UTRN: variants seen among roughly 807,000 people sequenced by gnomAD.
UTRN encodes the protein dystrophin-related protein 1.
UTRN carries 283 observed loss-of-function variants against 463.9 expected under a neutral mutation model. The observed-to-expected ratio is 0.61, with a 90% CI of 0.55 to 0.67. The LOEUF is 0.67. UTRN is among the 30% of genes least tolerant of loss of function. UTRN has a pLI of 0.00. For synonymous variants in UTRN, 1,442 were observed against 1,431.5 expected (o/e 1.01, Z -0.17); for missense variants, 3,922 against 4,084.3 (o/e 0.96, Z 1.08).
At chr6:144,478,118 T>A (rs2128571868) in intron 25 of UTRN, among the ~76,000 whole-genome samples, 1 of 152,282 alleles carries the variant, frequency 6.6e-6, no homozygotes, top group East Asian at 1.9e-4. Flanking sequence ...TTTTGCCAAA[T>A]TTTCATTTTG....
intron 3 of UTRN, among the ~76,000 whole-genome samples, chr6:144,410,837 T>C (rs2114817352): frequency 1.3e-5 from 2 of 151,498 alleles, no homozygotes; most frequent in Middle Eastern, 3.4e-3. Flanking sequence ...CACACCACAA[T>C]TTCTTTATTC....
chr6:144,733,701 G>T (rs78098318), intron 54 of UTRN, among the ~76,000 whole-genome samples: 4 of 151,926 alleles, frequency 2.6e-5, no homozygotes, highest in Admixed American at 2.6e-4. Flanking sequence ...ACATTTTAAG[G>T]CTTGCTTATG....
In UTRN at chr6:144,806,795, T is replaced by C. The variant is rs1315985212; in HGVS notation, c.9357+3648T>C. 2.1e-5 allele frequency among the ~76,000 whole-genome samples: 3 copies of C among 145,174 alleles called. 1 individual carries two copies. Among genetic ancestry groups the C allele is most frequent in the Non-Finnish European group, 4.6e-5 (3 of 65,506 alleles). ...AAACCAGGTATCAAGTCTGGACATA[T>C]TTCTCTCTCATTCGAAATACAAATT... is the stretch of plus-strand genomic sequence containing the variant. On this transcript the variant is annotated intron_variant, in intron 65 of 74. Coordinates refer to ENST00000367545, the MANE Select transcript of UTRN (RefSeq NM_007124.3).
At chr6:144,463,066 T>C (rs2128562157) in intron 23 of UTRN, among the ~76,000 whole-genome samples, 200 bp downstream of exon 23, 1 of 152,300 alleles carries the variant, frequency 6.6e-6, no homozygotes. Context: ...GGAAGCAAAG[T>C]CAAAAGTAGA....
intron 53 of UTRN, among the ~76,000 whole-genome samples, chr6:144,714,406 A>G (rs1786147381): frequency 2.0e-5 from 3 of 152,162 alleles, no homozygotes; most frequent in Non-Finnish European, 4.4e-5. Flanking sequence ...TTGAAACCAA[A>G]AGCTAAAGAA....
intron 29 of UTRN, among the ~76,000 whole-genome samples, chr6:144,488,283 A>G (rs1361165459): frequency 6.6e-6 from 1 of 152,184 alleles, no homozygotes; most frequent in Non-Finnish European, 1.5e-5. Context: ...TTGGAAAAAA[A>G]GAGACTCTGA....
At chr6:144,522,212 G>A (rs367545134) in intron 40 of UTRN, 41 bp downstream of exon 40, 4 of 1,395,736 alleles carry the variant, frequency 2.9e-6, no homozygotes, top group African/African-American at 3.0e-5. Flanking sequence ...CACAGTTAAT[G>A]TAGAAGTAGA....
chr6:144,717,857 G>A (rs1034921713), intron 53 of UTRN, among the ~76,000 whole-genome samples: 3 of 151,374 alleles, frequency 2.0e-5, no homozygotes, highest in African/African-American at 4.9e-5. Flanking sequence ...GGCTGGTCTC[G>A]AACTCCTGAC....
intron 2 of UTRN, among the ~76,000 whole-genome samples, chr6:144,303,157 T>C (rs1027407597): frequency 6.6e-6 from 1 of 151,476 alleles, no homozygotes; most frequent in Non-Finnish European, 1.5e-5. Flanking sequence ...GGTTAAGGAG[T>C]ATAAGGACTT....
At chr6:144,794,083 C>T (rs1479881568) in intron 63 of UTRN, 92 bp downstream of exon 63, 5 of 1,505,482 alleles carry the variant, frequency 3.3e-6, no homozygotes, top group Non-Finnish European at 4.5e-6. Flanking sequence ...GGGCTGGAGC[C>T]AAATACTGGA....
intron 66 of UTRN, among the ~76,000 whole-genome samples, chr6:144,822,435 A>C (rs1288987288): frequency 6.6e-6 from 1 of 152,122 alleles, no homozygotes; most frequent in African/African-American, 2.4e-5. Flanking sequence ...GGTAAGAAAA[A>C]ATTTCAACTG....
intron 58 of UTRN, among the ~76,000 whole-genome samples, chr6:144,764,834 T>G (rs1175827249): frequency 1.3e-5 from 2 of 152,142 alleles, no homozygotes; most frequent in African/African-American, 4.8e-5. Flanking sequence ...TTTTTTTTAA[T>G]AAAAAGCTAA....
chr6:144,414,080 T>C (rs1012735788), intron 3 of UTRN, among the ~76,000 whole-genome samples: 1 of 151,576 alleles, frequency 6.6e-6, no homozygotes, highest in Non-Finnish European at 1.5e-5. Flanking sequence ...GGATTGCAGG[T>C]GTGAGCCACT....
chr6:144,525,810 A>G (rs1440898973), intron 41 of UTRN, among the ~76,000 whole-genome samples: 1 of 151,928 alleles, frequency 6.6e-6, no homozygotes, highest in Non-Finnish European at 1.5e-5. Flanking sequence ...TCTTTGATGT[A>G]GGCATTTAAT....
At chr6:144,542,662 A>G (rs375659230) in intron 45 of UTRN, 133 bp from the exon 46 acceptor site, 1 of 812,014 alleles carries the variant, frequency 1.2e-6, no homozygotes, top group South Asian at 1.8e-5. Flanking sequence ...GAGTGAAGGT[A>G]GAGCCAGAAG....
chr6:144,826,161 AAAATAAAT>A (rs372490067), intron 66 of UTRN, among the ~76,000 whole-genome samples: 52 of 148,680 alleles, frequency 3.5e-4, no homozygotes, highest in Middle Eastern at 3.4e-3. Context: ...AATAAAAGAA[AAAATAAAT>A]AAATAAATAA....
intron 15 of UTRN, 114 bp from the exon 16 acceptor site, chr6:144,447,488 C>A: frequency 7.4e-7 from 1 of 1,359,220 alleles, no homozygotes; most frequent in Non-Finnish European, 1.0e-6. Context: ...GCATAGTGAA[C>A]TGCAAAGCAT....
chr6:144,678,689 C>G (rs2128683655), intron 52 of UTRN, 111 bp downstream of exon 52: 1 of 1,006,248 alleles, frequency 9.9e-7, no homozygotes, highest in East Asian at 2.6e-5. Context: ...TCTATTTCAT[C>G]AGAAATAGTT....
At chr6:144,687,022 A>G (rs1022010755) in intron 52 of UTRN, among the ~76,000 whole-genome samples, 4 of 152,048 alleles carry the variant, frequency 2.6e-5, no homozygotes, top group African/African-American at 4.8e-5. Context: ...GGGCATAATG[A>G]CCTTTCATTT....
Sources: gnomAD v4.1 joint callset for allele counts (sites outside exome capture counted in the v4.1 genomes callset) on GRCh38, gnomAD v4.1.1 for gene constraint, MANE v1.5 for transcripts, NCBI Gene and HGNC (gene_info 2026-07-23, HGNC 2026-07-21) for gene names.